The following NDUFAF6 variants were observed in gnomAD, a reference collection of about 807,000 sequenced individuals.
NDUFAF6 encodes NADH dehydrogenase (ubiquinone) complex I, assembly factor 6.
NDUFAF6 carries 45 observed loss-of-function variants against 40.8 expected under a neutral mutation model. The observed-to-expected ratio is 1.10, with a 90% CI of 0.87 to 1.42. NDUFAF6 has a LOEUF of 1.42. NDUFAF6 is among the 40% of genes most tolerant of loss of function. NDUFAF6 has a pLI of 0.00. For synonymous variants in NDUFAF6, 185 were observed against 155.9 expected (o/e 1.19, Z -1.39); for missense variants, 435 against 418.5 (o/e 1.04, Z -0.34).
In NDUFAF6 at chr8:95,026,159, GTTTATAATCCCTTTTAAAA is replaced by G. The variant is rs1328337450; in HGVS notation, c.197+955_197+973del. Among the ~76,000 whole-genome samples, 5 of 152,052 alleles carry G rather than the reference GTTTATAATCCCTTTTAAAA, an allele frequency of 3.3e-5. No homozygotes were observed. In the East Asian group the frequency reaches 9.7e-4, roughly 29 times the overall value. ...CAAAATGCATGCATTTCAGTGTTTT[GTTTATAATCCCTTTTAAAA>G]ATTGTGGGCCGGCCGCGGTGGCTAC... On this transcript the variant is annotated intron_variant, in intron 1 of 8. Coordinates refer to ENST00000396124, the MANE Select transcript of NDUFAF6 (RefSeq NM_152416.4).
intron 1 of NDUFAF6, among the ~76,000 whole-genome samples, chr8:95,027,618 T>G (rs2131734494): frequency 1.3e-5 from 2 of 152,140 alleles, no homozygotes; most frequent in South Asian, 4.2e-4. Flanking sequence ...TTTTCCTCAT[T>G]TGTAAATGTT....
intron 2 of NDUFAF6, among the ~76,000 whole-genome samples, chr8:95,019,684 A>C (rs1827610509): frequency 1.3e-5 from 2 of 152,186 alleles, no homozygotes; most frequent in African/African-American, 4.8e-5. Flanking sequence ...CATAGTGACC[A>C]CTTTGCCTCT....
chr8:95,111,638 C>G (rs1262003181), intron 4 of NDUFAF6, among the ~76,000 whole-genome samples: 1 of 152,086 alleles, frequency 6.6e-6, no homozygotes, highest in Admixed American at 6.5e-5. Flanking sequence ...TCCAGGCACA[C>G]ACACACCTGC....
intron 2 of NDUFAF6, among the ~76,000 whole-genome samples, chr8:95,085,252 A>T (rs1397308307): frequency 6.6e-6 from 1 of 152,204 alleles, no homozygotes; most frequent in Non-Finnish European, 1.5e-5. Flanking sequence ...GTGATTCAAG[A>T]TGAGAAAAGT....
At chr8:95,045,022 T>C (rs984298072) in intron 4 of NDUFAF6, among the ~76,000 whole-genome samples, 2 of 151,602 alleles carry the variant, frequency 1.3e-5, no homozygotes, top group Non-Finnish European at 2.9e-5. Context: ...CTAGGTACCT[T>C]TTCCTCATTG....
chr8:95,013,345 A>T (rs1827303348), intron 2 of NDUFAF6, among the ~76,000 whole-genome samples: 1 of 152,180 alleles, frequency 6.6e-6, no homozygotes. Context: ...GCCTCAAAGG[A>T]TCCTCCCACC....
rs187919155 is a variant in NDUFAF6, at chr8:94,938,449, G to A, written c.-935-7034G>A. ...CCTTGGAACCTCCAATGTGGAAAGC[G>A]TATGCTAATTAGTTGACTGGTGGTT... On this transcript the variant is annotated intron_variant, in intron 1 of 14. Transcript: ENST00000396113. Among the ~76,000 whole-genome samples the A allele has an allele frequency of 1.6e-4, 25 of 152,316 alleles. No individual in the cohort carries two copies. The East Asian group carries it at 2.7e-3, about 16-fold the overall frequency.
At chr8:95,057,601 A>C (rs6987951) in intron 8 of NDUFAF6, among the ~76,000 whole-genome samples, 1 of 152,184 alleles carries the variant, frequency 6.6e-6, no homozygotes, top group African/African-American at 2.4e-5. Flanking sequence ...CTTTTCTGGT[A>C]CTAGCTCTGT....
intron 2 of NDUFAF6, among the ~76,000 whole-genome samples, chr8:95,019,170 C>T (rs1239914161): frequency 3.3e-5 from 5 of 152,154 alleles, no homozygotes; most frequent in African/African-American, 4.8e-5. Flanking sequence ...GCCACCATGC[C>T]CAGTTAATTT....
chr8:95,007,103 C>T (rs1392037398), intron 2 of NDUFAF6, among the ~76,000 whole-genome samples: 2 of 151,784 alleles, frequency 1.3e-5, no homozygotes, highest in African/African-American at 2.4e-5. Flanking sequence ...TTGGCTTATA[C>T]AAAAACGCTC....
intron 5 of NDUFAF6, among the ~76,000 whole-genome samples, chr8:95,046,267 G>A (rs1225142839): frequency 6.6e-6 from 1 of 152,030 alleles, no homozygotes; most frequent in East Asian, 1.9e-4. Context: ...GAATGGTCTC[G>A]ATCTCTTGAC....
intron 2 of NDUFAF6, among the ~76,000 whole-genome samples, chr8:95,001,544 G>A (rs1186878255): frequency 6.6e-6 from 1 of 152,074 alleles, no homozygotes; most frequent in African/African-American, 2.4e-5. Context: ...AAGCTTCCAG[G>A]TAACTGAGGA....
downstream of NDUFAF6, among the ~76,000 whole-genome samples, chr8:95,105,064 CACAGAGAGAGAG>C (rs1365723923): frequency 0.021 from 2,229 of 105,556 alleles, 27 homozygotes; most frequent in Middle Eastern, 0.031. Flanking sequence ...CACACACACA[CACAGAGAGAGAG>C]AGAGAGAGAG....
intron 2 of NDUFAF6, among the ~76,000 whole-genome samples, chr8:95,007,676 T>TA (rs1297493651): frequency 6.6e-6 from 1 of 150,458 alleles, no homozygotes; most frequent in Non-Finnish European, 1.5e-5. Flanking sequence ...TTTTTTTTTT[T>TA]TTTTTTAATC....
At chr8:94,936,687 C>T (rs957306032) in intron 1 of NDUFAF6, among the ~76,000 whole-genome samples, 14 of 152,122 alleles carry the variant, frequency 9.2e-5, no homozygotes, top group African/African-American at 2.7e-4. Context: ...CACAACCCTA[C>T]GGAAATTTGA....
rs6651271 is a variant in NDUFAF6 at position 95,035,393 on chromosome 8, G to C, written c.298-61G>C. The C allele has an allele frequency of 0.14, 215,656 of 1,578,242 alleles. 15,425 individuals carry two copies. Among genetic ancestry groups the C allele is most frequent in the Middle Eastern group, 0.22 (1,291 of 5,872 alleles). On this transcript the variant is annotated intron_variant, in intron 2 of 8. Transcript: ENST00000396124. ...CATTAACTCAAAAAATTCCCTCAAA[G>C]ATACTGATTTTTTAGACAGTAGACA... is the stretch of plus-strand genomic sequence containing the variant.
chr8:94,984,225 A>G (rs1344206276), intron 2 of NDUFAF6: 6 of 152,366 alleles, frequency 3.9e-5, no homozygotes, highest in African/African-American at 1.2e-4. Context: ...CCTAGGTTCA[A>G]TAATTATTAT....
chr8:94,943,099 G>A (rs1324223319), intron 1 of NDUFAF6, among the ~76,000 whole-genome samples: 1 of 152,208 alleles, frequency 6.6e-6, no homozygotes, highest in African/African-American at 2.4e-5. Flanking sequence ...ATGTCCAGCA[G>A]GCAGCAGGAT....
At chr8:94,948,863 C>T (rs1822267661) in intron 2 of NDUFAF6, among the ~76,000 whole-genome samples, 1 of 151,942 alleles carries the variant, frequency 6.6e-6, no homozygotes, top group African/African-American at 2.4e-5. Flanking sequence ...TCCCAACCGC[C>T]GCCCAGCGCC....
Sources: gnomAD v4.1 joint callset for allele counts (sites outside exome capture counted in the v4.1 genomes callset) on GRCh38, gnomAD v4.1.1 for gene constraint, MANE v1.5 for transcripts, NCBI Gene and HGNC (gene_info 2026-07-23, HGNC 2026-07-21) for gene names.